The following ZNF717 variants were observed in gnomAD, a reference collection of about 807,000 sequenced individuals.
ZNF717 encodes krueppel-like factor X17.
A neutral mutation model predicts 13.8 loss-of-function variants in ZNF717; 9 were observed. The ratio of observed to expected loss-of-function variants is 0.65; its 90% CI spans 0.39 to 1.14. The LOEUF is 1.14. Ranked by LOEUF, ZNF717 falls within the 50% of genes most tolerant of loss-of-function variation. The probability of loss-of-function intolerance (pLI) is 0.01; values close to 1 mark genes in which losing one functional copy is unlikely to be tolerated. For missense variants in ZNF717, 1,040 were observed against 1,080.7 expected (o/e 0.96, Z 0.53); for synonymous variants, 327 against 364.1 (o/e 0.90, Z 1.16).
chr3:75,723,830 C>CG (rs142799792), intron 4 of ZNF717, among the ~76,000 whole-genome samples: 5 of 152,020 alleles, frequency 3.3e-5, no homozygotes, highest in Non-Finnish European at 1.5e-5. Context: ...TCCCTTTCCC[C>CG]GGGGGAGTTA....
chr3:75,737,867 C>A lies in ZNF717; in HGVS notation c.1756G>T (p.Ala586Ser), dbSNP rs1364769362. The change falls in exon 5 of 5, where the codon GCT becomes TCT. Residue 586 changes from alanine to serine, a missense_variant. Coordinates refer to ENST00000652011, the MANE Select transcript of ZNF717 (RefSeq NM_001290208.3). Reference protein sequence around the residue: ...SFLTIHQRTHAGKKPYECNEC... With the variant: ...SFLTIHQRTHSGKKPYECNEC... Reference sequence around the variant, plus strand: ...TTACATTCATAGGGTTTTTTGCCAGCATGAGTTCTCTGATGTATAGTTAGG... The same window carrying A: ...TTACATTCATAGGGTTTTTTGCCAGAATGAGTTCTCTGATGTATAGTTAGG... 6.5e-7 allele frequency: 1 copy of A among 1,545,412 alleles called. No homozygotes were observed. Among genetic ancestry groups the A allele is most frequent in the Non-Finnish European group, 8.7e-7 (1 of 1,143,444 alleles).
At chr3:75,727,751 C>T (rs1938317165), downstream of ZNF717, among the ~76,000 whole-genome samples, 1 of 152,166 alleles carries the variant, frequency 6.6e-6, no homozygotes, top group Non-Finnish European at 1.5e-5. Flanking sequence ...CTAATTTTGC[C>T]TTCACCTTGT....
chr3:75,708,123 T>G (rs1423209273), downstream of ZNF717, among the ~76,000 whole-genome samples: 2 of 152,344 alleles, frequency 1.3e-5, no homozygotes, highest in African/African-American at 4.8e-5. Flanking sequence ...AGCACGCAGC[T>G]GGAGATCTGA....
intron 2 of ZNF717, among the ~76,000 whole-genome samples, chr3:75,755,558 A>C (rs1350920460): frequency 6.6e-6 from 1 of 152,222 alleles, no homozygotes; most frequent in African/African-American, 2.4e-5. Flanking sequence ...AAGAATAATA[A>C]TACAAGGAAT....
chr3:75,701,489 T>A (rs1486413374), intron 6 of ZNF717, among the ~76,000 whole-genome samples: 1 of 152,308 alleles, frequency 6.6e-6, no homozygotes, highest in African/African-American at 2.4e-5. Context: ...GCCAAGATGG[T>A]GAAACCCCGT....
downstream of ZNF717, among the ~76,000 whole-genome samples, chr3:75,727,837 C>A (rs1455429988): frequency 7.9e-5 from 12 of 152,308 alleles, no homozygotes; most frequent in Admixed American, 7.8e-4. Context: ...CTTTCAAAAT[C>A]CCTAATAAAA....
chr3:75,777,889 A>C lies in ZNF717; in HGVS notation c.57+5417T>G, dbSNP rs567080251. Among the ~76,000 whole-genome samples the C allele has an allele frequency of 9.1e-4, 138 of 150,920 alleles. 2 individuals are homozygous for C. The highest frequency in any genetic ancestry group is 1.5e-3 in the Non-Finnish European group (103 of 67,816). ...ACTGGAACCCAAAACAATGGGAGTG[A>C]CGTGTTAAAACGGAACCCAAAACAA... On this transcript the variant is annotated intron_variant, in intron 2 of 4. Transcript: ENST00000652011.
In ZNF717 at chr3:75,785,494, C is replaced by T. The variant is rs1379678561; in HGVS notation, c.-113G>A. 6.6e-6 allele frequency: 1 copy of T among 152,474 alleles called. No homozygotes were observed. Among genetic ancestry groups the T allele is most frequent in the African/African-American group, 2.4e-5 (1 of 41,476 alleles). The allele number at this position is 152,474 out of a possible 1,614,324, so 9.4% of individuals were successfully genotyped here. A position where few individuals can be genotyped will look rare whatever the true frequency, so the allele number is the denominator to read the frequency against. ...CCCGGGCCCACGGGTTCCTCTTCGC[C>T]CTCGCACCGACCCGCAGGGACATAG... On this transcript the variant is annotated 5_prime_UTR_variant, in exon 1 of 5. Transcript: ENST00000652011.
At chr3:75,779,329 C>G (rs182419864) in intron 2 of ZNF717, among the ~76,000 whole-genome samples, 4 of 143,272 alleles carry the variant, frequency 2.8e-5, no homozygotes, top group Admixed American at 7.1e-5. Flanking sequence ...ATGGGAGTGA[C>G]GTGCTAAAAC....
chr3:75,695,906 A>C (rs1279918311), intron 6 of ZNF717, among the ~76,000 whole-genome samples: 13 of 152,124 alleles, frequency 8.5e-5, no homozygotes, highest in African/African-American at 3.1e-4. Flanking sequence ...CTAACAATAC[A>C]TCTTAATTAA....
intron 6 of ZNF717, among the ~76,000 whole-genome samples, chr3:75,702,563 C>A (rs1937717151): frequency 6.6e-6 from 1 of 152,234 alleles, no homozygotes; most frequent in Admixed American, 6.5e-5. Context: ...TTTGATAGCA[C>A]AACAGGGTGA....
chr3:75,753,042 A>G (rs1367287931), intron 2 of ZNF717, among the ~76,000 whole-genome samples: 1 of 151,214 alleles, frequency 6.6e-6, no homozygotes, highest in Admixed American at 6.6e-5. Context: ...AGGATTCCAG[A>G]ACACTGCTAT....
chr3:75,772,698 T>A (rs1387810492), intron 2 of ZNF717, among the ~76,000 whole-genome samples: 1 of 152,252 alleles, frequency 6.6e-6, no homozygotes, highest in African/African-American at 2.4e-5. Flanking sequence ...CACTGCTCTG[T>A]ACCCAGCTCG....
downstream of ZNF717, among the ~76,000 whole-genome samples, chr3:75,732,554 A>C (rs1236180790): frequency 6.6e-6 from 1 of 152,226 alleles, no homozygotes; most frequent in African/African-American, 2.4e-5. Context: ...AACAGGCCAA[A>C]TGAAGCTTCT....
downstream of ZNF717, among the ~76,000 whole-genome samples, chr3:75,734,424 T>TTTTTTTTTG (rs1553657117): frequency 2.7e-5 from 4 of 148,254 alleles, no homozygotes; most frequent in Admixed American, 6.8e-5. Context: ...GTAAAATGGG[T>TTTTTTTTTG]TTTTTTTGTT....
At position 75,738,128 on chromosome 3, in the gene ZNF717, A is replaced by G. The variant is rs80214832; in HGVS notation, c.1495T>C (p.Trp499Arg). 16 of 1,440,822 alleles carry G rather than the reference A, an allele frequency of 1.1e-5. No homozygotes were observed. Among genetic ancestry groups the G allele is most frequent in the Non-Finnish European group, 1.5e-5 (16 of 1,055,230 alleles). 89.3% of individuals were successfully genotyped at this position (1,440,822 alleles called of 1,614,324 possible). ...TAGGGTTTTTCCCCTGTGTGAGTCC[A>G]TTGATGGATAGTGAGGAATGACTTA... ...HRKSFLTIHQ[W>R]THTGEKPYEC... is the part of the protein sequence containing the mutation. Residue 499 changes from tryptophan (W) to arginine (R), a missense_variant, in exon 5 of 5, where the codon TGG becomes CGG. By Grantham distance (101) the Trp-to-Arg change is moderately radical. Coordinates refer to ENST00000652011, the MANE Select transcript of ZNF717 (RefSeq NM_001290208.3).
At chr3:75,783,235 T>G in intron 2 of ZNF717, 71 bp downstream of exon 2, 2 of 1,216,260 alleles carry the variant, frequency 1.6e-6, no homozygotes, top group Non-Finnish European at 2.4e-6. Context: ...CTTTTCTTTT[T>G]TAATTCACAG....
At chr3:75,730,510 G>T in exon 6 of ZNF717, 1 of 622,760 alleles carries the variant, frequency 1.6e-6, no homozygotes. Flanking sequence ...ATGGCCAGAA[G>T]TGATACAGAC....
chr3:75,739,066 G>A lies in ZNF717; in HGVS notation c.557C>T (p.Thr186Ile), dbSNP rs200049185. Residue 186 changes from threonine to isoleucine, a missense_variant, in exon 5 of 5, where the codon ACC becomes ATC. Transcript: ENST00000652011. ...TTCATGATGTCTGTGGGATCTCCTG[G>A]TTATATCACAGACATGAGGTTTCTC... is the stretch of plus-strand genomic sequence containing the variant. The part of the protein sequence containing the change: ...SGEKPHVCDI[T>I]RRSHRHHEHL... 2 of 1,551,546 alleles carry A rather than the reference G, an allele frequency of 1.3e-6. No individual in the cohort carries two copies. Among genetic ancestry groups the A allele is most frequent in the Non-Finnish European group, 1.7e-6 (2 of 1,146,928 alleles).
Sources: allele counts gnomAD v4.1 joint callset (sites outside exome capture counted in the v4.1 genomes callset), GRCh38; gene constraint gnomAD v4.1.1; transcripts MANE v1.5; gene names NCBI Gene and HGNC (gene_info 2026-07-23, HGNC 2026-07-21).